Variants in ZNF397 observed in about 807,000 individuals in gnomAD.
The protein encoded by ZNF397 is zinc finger protein 397.
In ZNF397, 38 loss-of-function variants were observed where a neutral mutation model predicts 50.6. The observed-to-expected ratio is 0.75, with a 90% CI of 0.58 to 0.98. The LOEUF (loss-of-function observed/expected upper bound fraction) is 0.98, where lower values mean the gene tolerates loss of function less well. ZNF397 is among the 50% of genes least tolerant of loss of function. The pLI is 0.00. For synonymous variants in ZNF397, 228 were observed against 215.2 expected (o/e 1.06, Z -0.52); for missense variants, 624 against 624.1 (o/e 1.00, Z 0.00).
chr18:35,252,751 G>T (rs1391060586), downstream of ZNF397: 1 of 152,154 alleles, frequency 6.6e-6, no homozygotes, highest in Non-Finnish European at 1.5e-5. Context: ...TGTAATTACT[G>T]TTTAGTATAT....
chr18:35,243,064 A>G, intron 2 of ZNF397, 88 bp from the exon 3 acceptor site: 2 of 1,579,852 alleles, frequency 1.3e-6, no homozygotes, highest in Non-Finnish European at 8.6e-7. Flanking sequence ...ATCCCTGGAG[A>G]TGTCATCATT....
chr18:35,241,846 T>G (rs1192181970), intron 1 of ZNF397, among the ~76,000 whole-genome samples: 1 of 152,254 alleles, frequency 6.6e-6, no homozygotes, highest in Non-Finnish European at 1.5e-5. Flanking sequence ...ATCCAATATT[T>G]ACATCAACTC....
chr18:35,245,410 A>C lies in ZNF397; in HGVS notation c.705A>C (p.Arg235Ser), dbSNP rs558946005. 1.4e-5 allele frequency: 22 copies of C among 1,583,828 alleles called. No individual in the cohort carries two copies. The South Asian group carries it at 1.6e-4, about 12-fold the overall frequency. ...GAAGTGCTACAGGGGAGAAACTAAG[A>C]TCTCCTTCCCAAGGGGGCAGTTTTA... ...KQGSATGEKL[R>S]SPSQGGSFSQ... Residue 235 changes from arginine (R) to serine (S), a missense_variant, in exon 4 of 4, where the codon AGA becomes AGC. Transcript: ENST00000330501.
rs1374881350 is a variant in ZNF397 at position 35,245,314 on chromosome 18, A to T, written c.609A>T (p.Ser203=). Residue 203 remains serine, a synonymous_variant, in exon 4 of 4, where the codon TCA becomes TCT. Coordinates refer to ENST00000330501, the MANE Select transcript of ZNF397 (RefSeq NM_001135178.3). The part of the protein sequence containing the change: ...ATKEGISEEK[S]QGLPQEPSFR... ...AAGAGGGCATCTCAGAAGAAAAATC[A>T]CAGGGACTCCCTCAGGAACCTTCAT... 2.5e-6 allele frequency: 4 copies of T among 1,612,670 alleles called. No homozygotes were observed. Among genetic ancestry groups the T allele is most frequent in the Non-Finnish European group, 3.4e-6 (4 of 1,179,082 alleles).
chr18:35,247,087 G>C lies in ZNF397; in HGVS notation c.*777G>C. Reference sequence around the variant, plus strand: ...TCTAGGGAAGTGGTACCCCAGTAAAGAACAGTAGCCAAAGGCCAGAAACAA... The same window carrying C: ...TCTAGGGAAGTGGTACCCCAGTAAACAACAGTAGCCAAAGGCCAGAAACAA... On this transcript the variant is annotated 3_prime_UTR_variant, in exon 4 of 4. Coordinates refer to ENST00000330501, the MANE Select transcript of ZNF397 (RefSeq NM_001135178.3). The C allele has an allele frequency of 1.0e-6, 1 of 985,484 alleles. No individual in the cohort carries two copies. The allele number at this position is 985,484 out of a possible 1,614,324, so 61.0% of individuals were successfully genotyped here.
At chr18:35,251,439 G>T (rs895174408), downstream of ZNF397, 2 of 152,162 alleles carry the variant, frequency 1.3e-5, no homozygotes, top group African/African-American at 4.8e-5. Flanking sequence ...CTCGATAACT[G>T]CACAACCTCT....
chr18:35,243,122 A>T (rs376955616), intron 2 of ZNF397, 30 bp from the exon 3 acceptor site: 11 of 1,611,928 alleles, frequency 6.8e-6, no homozygotes, highest in Non-Finnish European at 9.3e-6. Flanking sequence ...GGATTTTCTC[A>T]CAAAGCTAAC....
At chr18:35,241,763 C>A (rs1016504474) in intron 1 of ZNF397, 1 of 152,024 alleles carries the variant, frequency 6.6e-6, no homozygotes, top group African/African-American at 2.4e-5. Context: ...AAGCAAAAAT[C>A]TTAATGCTCA....
downstream of ZNF397, chr18:35,252,729 A>G (rs1390199366): frequency 6.6e-6 from 1 of 152,178 alleles, no homozygotes; most frequent in Non-Finnish European, 1.5e-5. Context: ...CAAAGCACTT[A>G]CCACACTTTA....
rs199871913 is a variant in ZNF397, at chr18:35,242,653, A to C, written c.183A>C (p.Thr61=). 6.2e-7 allele frequency: 1 copy of C among 1,614,214 alleles called. No individual in the cohort carries two copies. The highest frequency in any genetic ancestry group is 1.3e-5 in the African/African-American group (1 of 75,060). Reference sequence around the variant, plus strand: ...TCAGAAAATTTTGCTACCAGGAGACACCTGGGCCCCGGGAGGCTCTGAGCC... The same window carrying C: ...TCAGAAAATTTTGCTACCAGGAGACCCCTGGGCCCCGGGAGGCTCTGAGCC... ...QQFRKFCYQE[T]PGPREALSRL... is the part of the protein sequence containing the mutation. Residue 61 remains threonine (T), a synonymous_variant, in exon 2 of 4, where the codon ACA becomes ACC. Coordinates refer to ENST00000330501, the MANE Select transcript of ZNF397 (RefSeq NM_001135178.3).
Position 35,246,137 on chromosome 18 carries a change from G to A in ZNF397, c.1432G>A (p.Glu478Lys), listed in dbSNP as rs960129639. 1 of 1,551,414 alleles carries A rather than the reference G, an allele frequency of 6.4e-7. No individual in the cohort carries two copies. Among genetic ancestry groups the A allele is most frequent in the Non-Finnish European group, 8.7e-7 (1 of 1,146,610 alleles). ...LIRHQRIHSG[E>K]EPYQCNECGK... ...CAGACATCAGAGAATTCATAGTGGG[G>A]AGGAACCTTATCAGTGTAATGAATG... The change falls in exon 4 of 4, where the codon GAG (glutamate) becomes AAG (lysine). Residue 478 changes from glutamate (E) to lysine (K), a missense_variant. Coordinates refer to ENST00000330501, the MANE Select transcript of ZNF397 (RefSeq NM_001135178.3).
chr18:35,245,735 A>G lies in ZNF397; in HGVS notation c.1030A>G (p.Ser344Gly). 6.4e-7 allele frequency: 1 copy of G among 1,552,172 alleles called. No homozygotes were observed. Among genetic ancestry groups the G allele is most frequent in the Non-Finnish European group, 8.7e-7 (1 of 1,147,178 alleles). The change falls in exon 4 of 4, where the codon AGT becomes GGT. Residue 344 changes from serine (S) to glycine (G), a missense_variant. Physicochemically the swap from Ser to Gly is moderately conservative, Grantham distance 56 (BLOSUM62 0). Coordinates refer to ENST00000330501, the MANE Select transcript of ZNF397 (RefSeq NM_001135178.3). ...TAGTGGTGAGAAAGCATATGAATGTAGTGAATGTGGGAAAGCTTTCAATCA... is the reference window on the plus strand; with the variant it reads ...TAGTGGTGAGAAAGCATATGAATGTGGTGAATGTGGGAAAGCTTTCAATCA... ...IHSGEKAYEC[S>G]ECGKAFNQSS...
intron 2 of ZNF397, 79 bp from the exon 3 acceptor site, chr18:35,243,073 T>C (rs1029413576): frequency 4.4e-6 from 7 of 1,594,762 alleles, no homozygotes; most frequent in African/African-American, 4.0e-5. Flanking sequence ...GATGTCATCA[T>C]TGACCTCTTT....
intron 1 of ZNF397, among the ~76,000 whole-genome samples, chr18:35,242,130 A>G (rs1255312289): frequency 2.0e-5 from 3 of 152,196 alleles, no homozygotes; most frequent in East Asian, 1.9e-4. Context: ...TTTTCTCACT[A>G]TGTGATTGAT....
At position 35,247,523 on chromosome 18, in the gene ZNF397, T is replaced by G. The variant is rs535941577; in HGVS notation, c.*1213T>G. The stretch of plus-strand genomic sequence containing the variant: ...GCCATATCATTTGTTTCTGGGGCTA[T>G]ACGCCCACAATTCCTAGTACATTCC... On this transcript the variant is annotated 3_prime_UTR_variant, in exon 4 of 4. Transcript: ENST00000330501. 6.6e-6 allele frequency: 1 copy of G among 152,234 alleles called. No homozygotes were observed. Among genetic ancestry groups the G allele is most frequent in the African/African-American group, 2.4e-5 (1 of 41,448 alleles). 9.4% of individuals were successfully genotyped at this position (152,234 alleles called of 1,614,324 possible).
chr18:35,243,561 C>T (rs1223147073), intron 3 of ZNF397: 5 of 612,840 alleles, frequency 8.2e-6, no homozygotes, highest in Middle Eastern at 2.5e-4. Flanking sequence ...TGGTAGGCCC[C>T]AGGAGAGGTT....
At chr18:35,244,703 G>C (rs1293125672) in intron 3 of ZNF397, among the ~76,000 whole-genome samples, 1 of 146,102 alleles carries the variant, frequency 6.8e-6, no homozygotes, top group Non-Finnish European at 1.5e-5. Context: ...AAAGTACTTA[G>C]TGGATTAAAG....
At chr18:35,258,805 G>A (rs534337249), downstream of ZNF397, 3 of 138,208 alleles carry the variant, frequency 2.2e-5, no homozygotes, top group African/African-American at 7.9e-5. Context: ...AGGAGTTGGA[G>A]GTTGTAGTGA....
At chr18:35,254,466 A>G (rs753671535), downstream of ZNF397, 1 of 1,598,400 alleles carries the variant, frequency 6.3e-7, no homozygotes, top group South Asian at 1.1e-5. Context: ...ACTCAATGAA[A>G]TAGGTATTTA....
Sources: gnomAD v4.1 joint callset for allele counts (sites outside exome capture counted in the v4.1 genomes callset) on GRCh38, gnomAD v4.1.1 for gene constraint, MANE v1.5 for transcripts, NCBI Gene and HGNC (gene_info 2026-07-23, HGNC 2026-07-21) for gene names.